TDRD9: variants seen among roughly 807,000 people sequenced by gnomAD.
TDRD9 encodes the protein tudor domain containing 9, also known as ATP-dependent RNA helicase TDRD9.
A neutral mutation model predicts 172.6 loss-of-function variants in TDRD9; 124 were observed. The observed-to-expected ratio is 0.72, with a 90% CI of 0.62 to 0.83. The LOEUF (loss-of-function observed/expected upper bound fraction) is 0.83. Ranked by LOEUF, TDRD9 falls within the 40% of genes least tolerant of loss-of-function variation. TDRD9 has a pLI of 0.00. For synonymous variants in TDRD9, 619 were observed against 617.1 expected, an observed-to-expected ratio of 1.00 and a Z score of -0.05; for missense variants, 1,479 against 1,714.1, an observed-to-expected ratio of 0.86 and a Z score of 2.42.
At chr14:103,947,815 A>G (rs1293815622) in intron 1 of TDRD9, among the ~76,000 whole-genome samples, 6 of 152,378 alleles carry the variant, frequency 3.9e-5, no homozygotes, top group East Asian at 1.9e-4. Flanking sequence ...GTATGTGGCA[A>G]TAATTTCTTG....
intron 2 of TDRD9, among the ~76,000 whole-genome samples, chr14:103,956,149 T>TATATATATATATATAA (rs1566738502): frequency 1.1e-4 from 11 of 102,054 alleles, no homozygotes; most frequent in Non-Finnish European, 1.7e-4. Flanking sequence ...TATATATATA[T>TATATATATATATATAA]AATTATTAGG....
intron 31 of TDRD9, among the ~76,000 whole-genome samples, chr14:104,034,529 C>G (rs1239494560): frequency 1.3e-5 from 2 of 152,196 alleles, no homozygotes; most frequent in Non-Finnish European, 2.9e-5. Flanking sequence ...ACTGCTTTGG[C>G]TGGTGCGAGG....
rs553727274 is a variant in TDRD9, at chr14:104,026,547, C to G, written c.3022-132C>G. 9 of 1,044,776 alleles carry G rather than the reference C, an allele frequency of 8.6e-6. No individual in the cohort carries two copies. In the African/African-American group the frequency reaches 1.3e-4, roughly 15 times the overall value. The allele number at this position is 1,044,776 out of a possible 1,614,324, so 64.7% of individuals were successfully genotyped here. A position where few individuals can be genotyped will look rare whatever the true frequency, so the allele number is the denominator to read the frequency against. On this transcript the variant is annotated intron_variant, in intron 27 of 35. Transcript: ENST00000409874. ...CTTTAGGAAATTCTCACTACCCCAA[C>G]ATTAGTTTTATTGGGACTTTTATGA... is the stretch of plus-strand genomic sequence containing the variant.
Position 103,946,919 on chromosome 14 carries a change from A to G in TDRD9, c.216-8745A>G, listed in dbSNP as rs115269558. On this transcript the variant is annotated intron_variant, in intron 1 of 35. Coordinates refer to ENST00000409874, the MANE Select transcript of TDRD9 (RefSeq NM_153046.3). ...ATAAGTAAATGGAAATACATCCTCT[A>G]TTCATGGATTGGAAGACAATATTGT... is the stretch of plus-strand genomic sequence containing the variant. Among the ~76,000 whole-genome samples, 1,118 of 152,344 alleles carry G rather than the reference A, an allele frequency of 7.3e-3. 12 individuals carry two copies. The highest frequency in any genetic ancestry group is 0.025 in the African/African-American group (1,056 of 41,574).
chr14:103,959,781 T>C (rs775149254), intron 2 of TDRD9, among the ~76,000 whole-genome samples: 1 of 152,248 alleles, frequency 6.6e-6, no homozygotes, highest in African/African-American at 2.4e-5. Context: ...TAAAGATTAA[T>C]CATTTTTTAA....
intron 32 of TDRD9, among the ~76,000 whole-genome samples, chr14:104,037,602 T>C (rs1453649554): frequency 6.6e-6 from 1 of 152,256 alleles, no homozygotes; most frequent in Non-Finnish European, 1.5e-5. Flanking sequence ...GGGAAGGAGA[T>C]ATGTGTTATG....
In TDRD9 at chr14:104,049,936, A is replaced by G. The variant is rs191828609; in HGVS notation, c.4047+256A>G. 2.0e-4 allele frequency: 88 copies of G among 443,496 alleles called. 2 individuals carry two copies. The highest frequency in any genetic ancestry group is 7.9e-4 in the Admixed American group (21 of 26,444). The allele number at this position is 443,496 out of a possible 1,614,324, so 27.5% of individuals were successfully genotyped here. On this transcript the variant is annotated intron_variant, in intron 35 of 35. Coordinates refer to ENST00000409874, the MANE Select transcript of TDRD9 (RefSeq NM_153046.3). Reference sequence around the variant, plus strand: ...TCACTGCCTGTGAGTTGGGAAAAAAAGGTATGAGGGTCTGGATTGAACCTT... The same window carrying G: ...TCACTGCCTGTGAGTTGGGAAAAAAGGGTATGAGGGTCTGGATTGAACCTT...
At position 104,025,665 on chromosome 14, in the gene TDRD9, C is replaced by T; in HGVS notation, c.2820C>T (p.Pro940=). 1.2e-6 allele frequency: 2 copies of T among 1,614,000 alleles called. No individual in the cohort carries two copies. The highest frequency in any genetic ancestry group is 1.7e-6 in the Non-Finnish European group (2 of 1,179,882). Residue 940 remains proline (P), a synonymous_variant, in exon 26 of 36, where the codon CCC becomes CCT. Coordinates refer to ENST00000409874, the MANE Select transcript of TDRD9 (RefSeq NM_153046.3). Reference sequence around the variant, plus strand: ...AAATCAACCAACTGACGCTGGTGCCCTTGCCCACTCACCCACATCCAGACT... The same window carrying T: ...AAATCAACCAACTGACGCTGGTGCCTTTGCCCACTCACCCACATCCAGACT... ...TAEINQLTLV[P]LPTHPHPDLV...
chr14:103,973,499 C>G (rs1176799609), intron 6 of TDRD9, among the ~76,000 whole-genome samples: 1 of 152,192 alleles, frequency 6.6e-6, no homozygotes, highest in Non-Finnish European at 1.5e-5. Context: ...CAGGCCCACT[C>G]CAGACAGGCA....
intron 8 of TDRD9, among the ~76,000 whole-genome samples, chr14:103,986,950 C>T (rs540576956): frequency 6.6e-6 from 1 of 152,118 alleles, no homozygotes; most frequent in African/African-American, 2.4e-5. Context: ...CCTGTCTCTA[C>T]TAAAATACAA....
chr14:103,936,955 TGTG>T (rs2030807511), intron 1 of TDRD9, among the ~76,000 whole-genome samples: 1 of 152,016 alleles, frequency 6.6e-6, no homozygotes, highest in African/African-American at 2.4e-5. Flanking sequence ...AGCCGGGTGT[TGTG>T]GTGCCTGCCT....
rs1057326887 is a variant in TDRD9, at chr14:104,052,320, A to G, written c.*238A>G. ...TCTAGAAACAGAAAATCACTGTATTAAATATTTTGGAAAGATTGTTCTGAA... is the reference window on the plus strand; with the variant it reads ...TCTAGAAACAGAAAATCACTGTATTGAATATTTTGGAAAGATTGTTCTGAA... On this transcript the variant is annotated 3_prime_UTR_variant, in exon 36 of 36. Transcript: ENST00000409874. The G allele has an allele frequency of 8.9e-5, 28 of 313,828 alleles. No homozygotes were observed. The highest frequency in any genetic ancestry group is 5.5e-4 in the African/African-American group (26 of 47,380). The allele number at this position is 313,828 out of a possible 1,614,324, so 19.4% of individuals were successfully genotyped here.
intron 3 of TDRD9, among the ~76,000 whole-genome samples, chr14:103,965,038 C>T (rs1183602617): frequency 6.6e-6 from 1 of 151,822 alleles, no homozygotes; most frequent in African/African-American, 2.4e-5. Flanking sequence ...TGAAAGAAAC[C>T]CTGTCTCTAC....
intron 7 of TDRD9, 50 bp downstream of exon 7, chr14:103,975,603 G>A (rs751071302): frequency 1.4e-5 from 21 of 1,511,412 alleles, no homozygotes; most frequent in Non-Finnish European, 1.8e-5. Flanking sequence ...TCTTGTATTG[G>A]ATCAAACCTG....
intron 23 of TDRD9, among the ~76,000 whole-genome samples, chr14:104,020,610 T>C (rs999272481): frequency 1.3e-5 from 2 of 152,008 alleles, no homozygotes; most frequent in African/African-American, 4.8e-5. Flanking sequence ...GTGAAGAGGA[T>C]GGGGCGTGAA....
At chr14:104,035,754 A>T (rs1422198426) in intron 32 of TDRD9, among the ~76,000 whole-genome samples, 1 of 152,212 alleles carries the variant, frequency 6.6e-6, no homozygotes, top group South Asian at 2.1e-4. Flanking sequence ...GGCAGGATGG[A>T]AATGGCCATG....
chr14:104,018,304 G>A (rs2034854494), intron 23 of TDRD9, 112 bp downstream of exon 23: 1 of 651,288 alleles, frequency 1.5e-6, no homozygotes, highest in South Asian at 2.1e-5. Context: ...CCTCCTATGG[G>A]CTGCTGCAAT....
chr14:104,012,742 AT>A (rs1207959563), intron 20 of TDRD9, among the ~76,000 whole-genome samples: 1 of 151,782 alleles, frequency 6.6e-6, no homozygotes, highest in Non-Finnish European at 1.5e-5. Flanking sequence ...TAAAGAGTTT[AT>A]TTTTATTTTT....
chr14:104,035,740 G>T (rs902671714), intron 32 of TDRD9, among the ~76,000 whole-genome samples: 6 of 152,228 alleles, frequency 3.9e-5, no homozygotes, highest in Non-Finnish European at 8.8e-5. Flanking sequence ...CTCACATTCT[G>T]CTGGGCAGGA....
Sources: gnomAD v4.1 joint callset for allele counts (sites outside exome capture counted in the v4.1 genomes callset) on GRCh38, gnomAD v4.1.1 for gene constraint, MANE v1.5 for transcripts, NCBI Gene and HGNC (gene_info 2026-07-23, HGNC 2026-07-21) for gene names.